Variants in APPL2 observed in about 807,000 individuals in gnomAD.
The protein encoded by APPL2 is adaptor protein, phosphotyrosine interacting with PH domain and leucine zipper 2.
A neutral mutation model predicts 92.7 loss-of-function variants in APPL2; 84 were observed. The ratio of observed to expected loss-of-function variants is 0.91; its 90% CI spans 0.76 to 1.09. APPL2 has a LOEUF of 1.09. Ranked by LOEUF, APPL2 falls within the 50% of genes least tolerant of loss-of-function variation. The pLI, the probability that APPL2 is intolerant of heterozygous loss-of-function variation, is 0.00. For synonymous variants in APPL2, 291 were observed against 291.0 expected, an observed-to-expected ratio of 1.00 and a Z score of 0.00; for missense variants, 736 against 824.5, an observed-to-expected ratio of 0.89 and a Z score of 1.31.
intron 2 of APPL2, among the ~76,000 whole-genome samples, chr12:105,224,299 A>AT (rs1283622263): frequency 7.2e-5 from 11 of 152,212 alleles, no homozygotes; most frequent in African/African-American, 1.9e-4. Context: ...ACATTTATGG[A>AT]TAAAAACTAA....
At chr12:105,187,743 C>G (rs193209748) in intron 17 of APPL2, among the ~76,000 whole-genome samples, 2 of 152,042 alleles carry the variant, frequency 1.3e-5, no homozygotes, top group African/African-American at 4.8e-5. Context: ...ACACTGAAAA[C>G]ACATCTCAGT....
intron 4 of APPL2, among the ~76,000 whole-genome samples, chr12:105,211,846 C>T (rs1313709104): frequency 6.6e-6 from 1 of 152,190 alleles, no homozygotes; most frequent in Non-Finnish European, 1.5e-5. Context: ...AACGGCTAGG[C>T]GTGGTAGCTC....
intron 2 of APPL2, among the ~76,000 whole-genome samples, chr12:105,226,313 T>C (rs2136080667): frequency 1.3e-5 from 2 of 152,362 alleles, no homozygotes; most frequent in East Asian, 3.9e-4. Flanking sequence ...TGCTTGACTC[T>C]GTCTTTGAAT....
At chr12:105,204,312 A>C (rs1888510065) in intron 8 of APPL2, among the ~76,000 whole-genome samples, 1 of 152,228 alleles carries the variant, frequency 6.6e-6, no homozygotes, top group South Asian at 2.1e-4. Flanking sequence ...ATTCTCTCAC[A>C]CATTAACCCG....
At chr12:105,188,509 C>G in intron 16 of APPL2, 62 bp from the exon 17 acceptor site, 1 of 1,571,980 alleles carries the variant, frequency 6.4e-7, no homozygotes. Context: ...GATCTGCATA[C>G]CAGGGTCAGA....
At chr12:105,176,579 A>G (rs989536819) in intron 19 of APPL2, among the ~76,000 whole-genome samples, 5 of 152,160 alleles carry the variant, frequency 3.3e-5, no homozygotes, top group African/African-American at 1.2e-4. Flanking sequence ...AATTTTTTTT[A>G]AAGAACAAAT....
chr12:105,217,065 T>C lies in APPL2; in HGVS notation c.285+4A>G, dbSNP rs1391812225. The C allele has an allele frequency of 6.2e-7, 1 of 1,600,546 alleles. No individual in the cohort carries two copies. Among genetic ancestry groups the C allele is most frequent in the South Asian group, 1.1e-5 (1 of 89,600 alleles). On this transcript the variant is annotated splice_donor_region_variant and intron_variant, in intron 4 of 20. Transcript: ENST00000258530. Reference sequence around the variant, plus strand: ...AATACAAATTTTCTATGTTGCTATCTTACCTCATCCACCACTTTGGAAAAA... The same window carrying C: ...AATACAAATTTTCTATGTTGCTATCCTACCTCATCCACCACTTTGGAAAAA...
chr12:105,203,770 TC>T lies in APPL2; in HGVS notation c.636del (p.Lys213ArgfsTer26). 6.2e-7 allele frequency: 1 copy of T among 1,613,662 alleles called. No individual in the cohort carries two copies. Among genetic ancestry groups the T allele is most frequent in the Non-Finnish European group, 8.5e-7 (1 of 1,179,534 alleles). On this transcript the variant is annotated frameshift_variant, in exon 9 of 21. Transcript: ENST00000258530. LOFTEE classifies it high-confidence loss of function. ...GFAHGQINFF[K>X]KGAEMFSKRM... ...CGTTTGGAAAACATCTCTGCTCCCT[TC>T]TTAAAAAAGTTAATCTGAAAGATAT... is the stretch of plus-strand genomic sequence containing the variant.
chr12:105,211,895 C>A (rs952131012), intron 4 of APPL2, among the ~76,000 whole-genome samples: 1 of 151,978 alleles, frequency 6.6e-6, no homozygotes, highest in Non-Finnish European at 1.5e-5. Flanking sequence ...CTGAGGCAGG[C>A]GGATCATGAG....
chr12:105,207,476 A>G (rs1034966200), intron 7 of APPL2, among the ~76,000 whole-genome samples: 1 of 152,254 alleles, frequency 6.6e-6, no homozygotes, highest in Non-Finnish European at 1.5e-5. Context: ...CAGGATAACA[A>G]TATGGCAGCA....
chr12:105,203,882 G>T, intron 8 of APPL2, 97 bp from the exon 9 acceptor site: 1 of 1,081,914 alleles, frequency 9.2e-7, no homozygotes, highest in Non-Finnish European at 1.4e-6. Flanking sequence ...AGCCATCACA[G>T]CTGGCTGGCC....
chr12:105,187,313 T>C (rs1293510580), intron 17 of APPL2, among the ~76,000 whole-genome samples: 4 of 152,260 alleles, frequency 2.6e-5, no homozygotes, highest in Non-Finnish European at 4.4e-5. Flanking sequence ...CTAACGTTCA[T>C]TGAGCACTTT....
intron 17 of APPL2, among the ~76,000 whole-genome samples, chr12:105,186,721 A>G (rs1428909235): frequency 6.9e-6 from 1 of 144,840 alleles, no homozygotes; most frequent in Non-Finnish European, 1.5e-5. Context: ...CATATCATAT[A>G]TATATCATAT....
At chr12:105,210,976 G>C (rs113823232) in intron 5 of APPL2, among the ~76,000 whole-genome samples, 14 of 152,086 alleles carry the variant, frequency 9.2e-5, no homozygotes, top group Non-Finnish European at 1.6e-4. Flanking sequence ...ACTCCTGTGC[G>C]TCTCTGTCCT....
intron 5 of APPL2, among the ~76,000 whole-genome samples, chr12:105,208,485 G>C (rs191827554): frequency 1.3e-5 from 2 of 152,296 alleles, no homozygotes; most frequent in East Asian, 3.9e-4. Flanking sequence ...GAGGTGGGCT[G>C]GACAGTGTGG....
At chr12:105,182,611 G>T (rs1720677654) in intron 17 of APPL2, among the ~76,000 whole-genome samples, 1 of 152,184 alleles carries the variant, frequency 6.6e-6, no homozygotes, top group Non-Finnish European at 1.5e-5. Context: ...TTGCACTGTG[G>T]TCTGAGAGAC....
At chr12:105,215,147 C>A (rs1889572938) in intron 4 of APPL2, among the ~76,000 whole-genome samples, 1 of 152,152 alleles carries the variant, frequency 6.6e-6, no homozygotes, top group Admixed American at 6.6e-5. Flanking sequence ...GGGGATGTTG[C>A]AGGAACCCCT....
chr12:105,192,966 C>G (rs1887344875), intron 14 of APPL2, among the ~76,000 whole-genome samples: 1 of 152,160 alleles, frequency 6.6e-6, no homozygotes, highest in Non-Finnish European at 1.5e-5. Flanking sequence ...GATTCTTTCC[C>G]CCCCCACTGT....
At chr12:105,202,361 AG>A (rs1455107632) in intron 9 of APPL2, among the ~76,000 whole-genome samples, 1 of 152,344 alleles carries the variant, frequency 6.6e-6, no homozygotes, top group East Asian at 1.9e-4. Context: ...GCTGACAAGA[AG>A]GGAAGACAGA....
Sources: allele counts gnomAD v4.1 joint callset (sites outside exome capture counted in the v4.1 genomes callset), GRCh38; gene constraint gnomAD v4.1.1; transcripts MANE v1.5; gene names NCBI Gene and HGNC (gene_info 2026-07-23, HGNC 2026-07-21).